CCNYL1: variants seen among roughly 807,000 people sequenced by gnomAD.
The protein encoded by CCNYL1 is cyclin-Y-like protein 1.
In CCNYL1, 16 loss-of-function variants were observed where a neutral mutation model predicts 44.2. The observed-to-expected ratio is 0.36, with a 90% CI of 0.25 to 0.55. CCNYL1 has a LOEUF of 0.55. CCNYL1 is among the 20% of genes least tolerant of loss of function. The pLI is 0.85. For synonymous variants in CCNYL1, 159 were observed against 163.2 expected, an observed-to-expected ratio of 0.97 and a Z score of 0.20; for missense variants, 348 against 451.8, an observed-to-expected ratio of 0.77 and a Z score of 2.08.
intron 4 of CCNYL1, among the ~76,000 whole-genome samples, chr2:207,735,985 T>TC (rs2091762078): frequency 6.6e-6 from 1 of 152,172 alleles, no homozygotes; most frequent in African/African-American, 2.4e-5. Flanking sequence ...TTTTTAAAGC[T>TC]CCTCAGGTGA....
At chr2:207,716,339 C>CTT (rs34650916) in intron 1 of CCNYL1, among the ~76,000 whole-genome samples, 80 of 129,690 alleles carry the variant, frequency 6.2e-4, no homozygotes, top group African/African-American at 2.0e-3. Context: ...TAAGCCCTCT[C>CTT]TTTTTTTTTT....
intron 2 of CCNYL1, among the ~76,000 whole-genome samples, chr2:207,726,571 A>G (rs577850030): frequency 1.7e-4 from 26 of 152,380 alleles, no homozygotes; most frequent in African/African-American, 6.3e-4. Context: ...CTCATTTAGC[A>G]TAATTTGTTT....
At chr2:207,731,896 G>A (rs1353149871) in intron 3 of CCNYL1, among the ~76,000 whole-genome samples, 3 of 140,918 alleles carry the variant, frequency 2.1e-5, no homozygotes, top group South Asian at 2.4e-4. Flanking sequence ...TACAACCTCC[G>A]CCTCCCAGGT....
chr2:207,753,839 C>T lies in CCNYL1; in HGVS notation c.*141C>T, dbSNP rs796502812. 4.7e-5 allele frequency: 28 copies of T among 591,494 alleles called. No individual in the cohort carries two copies. The South Asian group carries it at 5.9e-4, about 12-fold the overall frequency. 36.6% of individuals were successfully genotyped at this position (591,494 alleles called of 1,614,324 possible). On this transcript the variant is annotated 3_prime_UTR_variant, in exon 10 of 10. Coordinates refer to ENST00000295414, the MANE Select transcript of CCNYL1 (RefSeq NM_001330218.2). ...TCAAATTCAAGAGACTCATGGACAA[C>T]AAGGATTATACTCCACAGGAAAGAA...
chr2:207,732,040 C>T (rs1041329585), intron 3 of CCNYL1, among the ~76,000 whole-genome samples: 7 of 152,092 alleles, frequency 4.6e-5, no homozygotes, highest in Admixed American at 2.6e-4. Context: ...GAACTCCTGA[C>T]CTCAGGTGAT....
At position 207,740,718 on chromosome 2, in the gene CCNYL1, T is replaced by G; in HGVS notation, c.519+12T>G. The G allele has an allele frequency of 6.4e-7, 1 of 1,564,556 alleles. No individual in the cohort carries two copies. Among genetic ancestry groups the G allele is most frequent in the South Asian group, 1.1e-5 (1 of 88,804 alleles). The stretch of plus-strand genomic sequence containing the variant: ...CACATCCACTTACAGTAAGTGTCAC[T>G]TTTTTTGAGGTAGTATTTTTCTCTC... On this transcript the variant is annotated intron_variant, in intron 6 of 9. Transcript: ENST00000295414.
At chr2:207,732,231 A>T (rs2091734235) in intron 3 of CCNYL1, among the ~76,000 whole-genome samples, 2 of 152,228 alleles carry the variant, frequency 1.3e-5, no homozygotes, top group Non-Finnish European at 2.9e-5. Context: ...TGTAAACTAT[A>T]TACATTAAAT....
intron 1 of CCNYL1, among the ~76,000 whole-genome samples, chr2:207,719,557 T>C (rs1290812997): frequency 6.6e-6 from 1 of 152,182 alleles, no homozygotes; most frequent in Non-Finnish European, 1.5e-5. Context: ...CACCTCAGCC[T>C]CCCAAAATGC....
At chr2:207,729,997 G>C (rs1259896722) in intron 3 of CCNYL1, among the ~76,000 whole-genome samples, 7 of 152,090 alleles carry the variant, frequency 4.6e-5, no homozygotes, top group Non-Finnish European at 8.8e-5. Flanking sequence ...ACAGGTGTGA[G>C]TCACTGTGCC....
At chr2:207,739,073 A>G (rs1475577022) in intron 5 of CCNYL1, among the ~76,000 whole-genome samples, 3 of 152,100 alleles carry the variant, frequency 2.0e-5, no homozygotes, top group African/African-American at 7.2e-5. Flanking sequence ...ATCACCACCA[A>G]TTGTATTAAA....
chr2:207,751,010 C>T lies in CCNYL1; in HGVS notation c.860C>T (p.Pro287Leu). The T allele has an allele frequency of 6.2e-7, 1 of 1,613,946 alleles. No individual in the cohort carries two copies. The highest frequency in any genetic ancestry group is 8.5e-7 in the Non-Finnish European group (1 of 1,179,854). ...LELLQFNINV[P>L]ASVYAKYYFD... ...CTTCTTCAGTTTAATATTAATGTTC[C>T]TGCCAGTGTTTATGCCAAATACTAC... The change falls in exon 9 of 10, where the codon CCT (proline) becomes CTT (leucine). Residue 287 changes from proline to leucine, a missense_variant. By Grantham distance (98) the Pro-to-Leu change is moderately conservative. Transcript: ENST00000295414.
At chr2:207,741,233 C>T (rs1004123217) in intron 6 of CCNYL1, among the ~76,000 whole-genome samples, 12 of 151,030 alleles carry the variant, frequency 7.9e-5, no homozygotes, top group Non-Finnish European at 1.0e-4. Context: ...CCAGCCTGGG[C>T]GACAGTGAGA....
Position 207,753,910 on chromosome 2 carries a change from G to T in CCNYL1, c.*212G>T. On this transcript the variant is annotated 3_prime_UTR_variant, in exon 10 of 10. Transcript: ENST00000295414. ...AAAACACTCTTCTGTCCTTTTTAAT[G>T]TAAACAGAGTTACAAAAACCACTCC... is the stretch of plus-strand genomic sequence containing the variant. The T allele has an allele frequency of 1.9e-5, 8 of 426,932 alleles. No individual in the cohort carries two copies. The highest frequency in any genetic ancestry group is 3.8e-5 in the East Asian group (1 of 26,660). 26.4% of individuals were successfully genotyped at this position (426,932 alleles called of 1,614,324 possible). A position where few individuals can be genotyped will look rare whatever the true frequency, so the allele number is the denominator to read the frequency against.
chr2:207,728,272 T>C (rs1235220530), intron 3 of CCNYL1, among the ~76,000 whole-genome samples: 7 of 150,598 alleles, frequency 4.6e-5, no homozygotes, highest in Admixed American at 1.3e-4. Context: ...TTTTTTTTTT[T>C]TTTTCTTTTT....
chr2:207,731,975 A>G (rs569428051), intron 3 of CCNYL1, among the ~76,000 whole-genome samples: 1 of 151,848 alleles, frequency 6.6e-6, no homozygotes, highest in African/African-American at 2.4e-5. Flanking sequence ...ACGCTTGGCT[A>G]ATTTTTGTAT....
intron 3 of CCNYL1, among the ~76,000 whole-genome samples, chr2:207,728,177 T>A (rs575868564): frequency 2.9e-4 from 44 of 152,232 alleles, no homozygotes; most frequent in South Asian, 8.3e-4. Context: ...TTGGCCAGGC[T>A]GGTCTCGAAC....
At chr2:207,728,448 GTA>G (rs1019352926) in intron 3 of CCNYL1, among the ~76,000 whole-genome samples, 24 of 151,854 alleles carry the variant, frequency 1.6e-4, no homozygotes, top group African/African-American at 5.6e-4. Flanking sequence ...GCTAATTTTT[GTA>G]TTTTTCATAG....
At chr2:207,724,141 A>G (rs927505046) in intron 1 of CCNYL1, among the ~76,000 whole-genome samples, 1 of 152,174 alleles carries the variant, frequency 6.6e-6, no homozygotes, top group African/African-American at 2.4e-5. Context: ...GAAACACCAA[A>G]TTAACCATGC....
Position 207,745,544 on chromosome 2 carries a change from C to T in CCNYL1, c.640-1503C>T, listed in dbSNP as rs958943662. Among the ~76,000 whole-genome samples the T allele has an allele frequency of 2.0e-5, 3 of 152,242 alleles. No individual in the cohort carries two copies. The South Asian group carries it at 6.2e-4, about 32-fold the overall frequency. On this transcript the variant is annotated intron_variant, in intron 7 of 9. Coordinates refer to ENST00000295414, the MANE Select transcript of CCNYL1 (RefSeq NM_001330218.2). The stretch of plus-strand genomic sequence containing the variant: ...AAGGGAACAGAATCTCTCTTAAGAA[C>T]ATGTCATGTTCAATATCCATTTTTG...
Sources: gnomAD v4.1 joint callset for allele counts (sites outside exome capture counted in the v4.1 genomes callset) on GRCh38, gnomAD v4.1.1 for gene constraint, MANE v1.5 for transcripts, NCBI Gene and HGNC (gene_info 2026-07-23, HGNC 2026-07-21) for gene names.